The following EML1 variants were observed in gnomAD, a reference collection of about 807,000 sequenced individuals.
EML1 encodes EMAP like 1.
A neutral mutation model predicts 110.4 loss-of-function variants in EML1; 27 were observed. The ratio of observed to expected loss-of-function variants is 0.24; its 90% confidence interval spans 0.18 to 0.34. The LOEUF (loss-of-function observed/expected upper bound fraction) is 0.34. Among genes scored for constraint, EML1 ranks in the 10% least tolerant of loss-of-function variants. The pLI, the probability that EML1 is intolerant of heterozygous loss-of-function variation, is 1.00. For missense variants in EML1, 741 were observed against 1,030.9 expected (o/e 0.72, Z 3.85); for synonymous variants, 344 against 385.8 (o/e 0.89, Z 1.27).
At chr14:99,806,288 T>C (rs2139697970) in intron 1 of EML1, among the ~76,000 whole-genome samples, 1 of 151,130 alleles carries the variant, frequency 6.6e-6, no homozygotes, top group Admixed American at 6.6e-5. Flanking sequence ...GCCTCCTGTG[T>C]AAAGTTTTGG....
chr14:99,893,812 G>A (rs988496307), intron 5 of EML1, among the ~76,000 whole-genome samples: 2 of 152,174 alleles, frequency 1.3e-5, no homozygotes, highest in African/African-American at 4.8e-5. Context: ...GAATTCACCA[G>A]GAGCGGAGCT....
chr14:99,743,977 AT>A (rs895773125), intron 1 of EML1, among the ~76,000 whole-genome samples: 9 of 152,008 alleles, frequency 5.9e-5, no homozygotes, highest in South Asian at 2.1e-4. Flanking sequence ...CCATTTCACT[AT>A]TTTTTTTCTT....
At chr14:99,878,658 A>G in intron 4 of EML1, 39 bp downstream of exon 4, 1 of 1,590,098 alleles carries the variant, frequency 6.3e-7, no homozygotes, top group Non-Finnish European at 8.6e-7. Flanking sequence ...CTGTTCAGAT[A>G]TGTTAGTACG....
rs188100356 is a variant in EML1, at chr14:99,756,142, C to T, written c.28+18282C>T. Among the ~76,000 whole-genome samples the T allele has an allele frequency of 7.1e-4, 108 of 152,344 alleles. 2 individuals are homozygous for T. In the East Asian group the frequency reaches 0.011, roughly 15 times the overall value. ...GTGGGGTCACCAGGGTGCCCAGAAGCCAGCTCTCCAAGGTCAGCAAGTGCT... is the reference window on the plus strand; with the variant it reads ...GTGGGGTCACCAGGGTGCCCAGAAGTCAGCTCTCCAAGGTCAGCAAGTGCT... On this transcript the variant is annotated intron_variant, in intron 1 of 10. Transcript: ENST00000554479.
chr14:99,889,660 T>G (rs1269461537), intron 4 of EML1, among the ~76,000 whole-genome samples: 2 of 152,236 alleles, frequency 1.3e-5, no homozygotes, highest in Middle Eastern at 6.8e-3. Context: ...GGAGGGCCCA[T>G]GAGCCAACGC....
intron 7 of EML1, 79 bp downstream of exon 7, chr14:99,897,373 A>G: frequency 7.2e-7 from 1 of 1,397,140 alleles, no homozygotes; most frequent in Non-Finnish European, 9.5e-7. Flanking sequence ...GTTCCAGACC[A>G]TCCTGGGCAA....
intron 15 of EML1, 103 bp downstream of exon 15, chr14:99,914,800 A>G (rs2060006364): frequency 7.0e-7 from 1 of 1,424,450 alleles, no homozygotes; most frequent in Non-Finnish European, 9.3e-7. Flanking sequence ...GTTGTCCCAA[A>G]GCAAATGTTA....
intron 3 of EML1, chr14:99,875,088 C>A: frequency 9.1e-7 from 1 of 1,100,618 alleles, no homozygotes; most frequent in African/African-American, 1.6e-5. Context: ...CAGTGCCTAC[C>A]ATTCATCAAG....
chr14:99,771,180 G>C (rs1187477462), upstream of EML1, among the ~76,000 whole-genome samples: 1 of 152,030 alleles, frequency 6.6e-6, no homozygotes, highest in African/African-American at 2.4e-5. Flanking sequence ...TTATTTATTA[G>C]AGTATATTTT....
chr14:99,842,622 G>T (rs1363101427), intron 1 of EML1, among the ~76,000 whole-genome samples: 1 of 152,134 alleles, frequency 6.6e-6, no homozygotes, highest in African/African-American at 2.4e-5. Flanking sequence ...TATTGAGGTG[G>T]TGGGGGTTTT....
chr14:99,776,299 T>G (rs2057481656), intron 1 of EML1, among the ~76,000 whole-genome samples: 1 of 152,044 alleles, frequency 6.6e-6, no homozygotes, highest in African/African-American at 2.4e-5. Flanking sequence ...GGTCGGGAGC[T>G]CGAGACCAGC....
chr14:99,862,711 G>A (rs1300441773), intron 2 of EML1, among the ~76,000 whole-genome samples: 1 of 152,090 alleles, frequency 6.6e-6, no homozygotes, highest in African/African-American at 2.4e-5. Flanking sequence ...GTGTCTTTTG[G>A]TTTTGTTGTT....
chr14:99,776,081 A>C (rs2057479081), intron 1 of EML1, among the ~76,000 whole-genome samples: 1 of 152,248 alleles, frequency 6.6e-6, no homozygotes, highest in Non-Finnish European at 1.5e-5. Flanking sequence ...ACAAGCAAAA[A>C]TGAAATCTTA....
At position 99,865,502 on chromosome 14, in the gene EML1, C is replaced by T. The variant is rs753133525; in HGVS notation, c.251-12C>T. 3.7e-6 allele frequency: 6 copies of T among 1,613,238 alleles called. No homozygotes were observed. The highest frequency in any genetic ancestry group is 2.2e-5 in the East Asian group (1 of 44,882). On this transcript the variant is annotated splice_polypyrimidine_tract_variant and intron_variant, in intron 2 of 21. Transcript: ENST00000262233. The stretch of plus-strand genomic sequence containing the variant: ...GGGAACTTTCTGATATTATTTTCTG[C>T]TTGTCTTACAGCAAGACCACTGATG...
chr14:99,793,770 C>A lies in EML1; in HGVS notation c.67+227C>A, dbSNP rs1016168090. ...CCGCCCCGGGCTCCCCGCCGCCACC[C>A]CGGCTCCCGGCACTGGCGCGCGGAC... On this transcript the variant is annotated intron_variant, in intron 1 of 21. Coordinates refer to ENST00000262233, the MANE Select transcript of EML1 (RefSeq NM_004434.3). Among the ~76,000 whole-genome samples the A allele has an allele frequency of 1.6e-3, 236 of 147,672 alleles. 1 individual carries two copies. The highest frequency in any genetic ancestry group is 2.7e-3 in the Non-Finnish European group (181 of 66,324).
chr14:99,815,417 A>T (rs2058151413), intron 1 of EML1, among the ~76,000 whole-genome samples: 1 of 152,120 alleles, frequency 6.6e-6, no homozygotes, highest in Non-Finnish European at 1.5e-5. Flanking sequence ...CCAAGATTAC[A>T]GGTGTGAGCC....
At chr14:99,865,670 A>C in intron 3 of EML1, 24 bp downstream of exon 3, 1 of 1,612,234 alleles carries the variant, frequency 6.2e-7, no homozygotes, top group Non-Finnish European at 8.5e-7. Context: ...AGGGCCTTAA[A>C]TGAACTCTCA....
chr14:99,782,783 G>C (rs1188955214), intron 1 of EML1, among the ~76,000 whole-genome samples: 2 of 152,144 alleles, frequency 1.3e-5, no homozygotes, highest in Non-Finnish European at 2.9e-5. Flanking sequence ...GCCTGTGAAG[G>C]AGATGATGGG....
chr14:99,754,746 C>G (rs976805088), intron 1 of EML1, among the ~76,000 whole-genome samples: 1 of 152,222 alleles, frequency 6.6e-6, no homozygotes, highest in African/African-American at 2.4e-5. Flanking sequence ...CTCAGCCTCG[C>G]CAAGCCTCAG....
Sources: gnomAD v4.1 joint callset for allele counts (sites outside exome capture counted in the v4.1 genomes callset) on GRCh38, gnomAD v4.1.1 for gene constraint, MANE v1.5 for transcripts, NCBI Gene and HGNC (gene_info 2026-07-23, HGNC 2026-07-21) for gene names.